Variants in CASR observed in about 807,000 individuals in gnomAD.
CASR encodes calcium sensing receptor.
A neutral mutation model predicts 69.1 loss-of-function variants in CASR; 23 were observed. The observed-to-expected ratio is 0.33, with a 90% CI of 0.24 to 0.47. The LOEUF is 0.47. Among genes scored for constraint, CASR ranks in the 20% least tolerant of loss-of-function variants. CASR has a pLI of 1.00. For missense variants in CASR, 924 were observed against 1,356.1 expected (o/e 0.68, Z 5.00); for synonymous variants, 541 against 544.7 (o/e 0.99, Z 0.10).
At chr3:122,264,716 T>G (rs1478353954) in intron 4 of CASR, among the ~76,000 whole-genome samples, 1 of 152,192 alleles carries the variant, frequency 6.6e-6, no homozygotes, top group African/African-American at 2.4e-5. Context: ...GAGTGCTTGG[T>G]GTGAGTCTCC....
At chr3:122,274,634 G>C (rs1327524655) in intron 4 of CASR, among the ~76,000 whole-genome samples, 1 of 152,174 alleles carries the variant, frequency 6.6e-6, no homozygotes, top group Non-Finnish European at 1.5e-5. Flanking sequence ...GGGCGCAGTG[G>C]CTCATGCCTG....
At chr3:122,242,230 G>T (rs769746264) in intron 1 of CASR, among the ~76,000 whole-genome samples, 1 of 152,032 alleles carries the variant, frequency 6.6e-6, no homozygotes, top group Non-Finnish European at 1.5e-5. Context: ...TAGAAAGAAA[G>T]AAGCCAAATT....
In CASR at chr3:122,291,504, G is replaced by C. The variant is rs1266832700; in HGVS notation, c.*6313G>C. 1 of 152,214 alleles carries C rather than the reference G, an allele frequency of 6.6e-6. No individual in the cohort carries two copies. Among genetic ancestry groups the C allele is most frequent in the Non-Finnish European group, 1.5e-5 (1 of 68,042 alleles). 9.4% of individuals were successfully genotyped at this position (152,214 alleles called of 1,614,324 possible). ...AGTGATGATGAGCATTATAAATGAA[G>C]ATTGCTTGGTAGTGGACTAATGGAT... On this transcript the variant is annotated 3_prime_UTR_variant, in exon 7 of 7. Transcript: ENST00000639785.
intron 1 of CASR, among the ~76,000 whole-genome samples, chr3:122,239,704 G>C (rs1386359337): frequency 6.6e-6 from 1 of 152,216 alleles, no homozygotes; most frequent in African/African-American, 2.4e-5. Context: ...TCCAGCTCCA[G>C]GAACCTCAGC....
intron 1 of CASR, among the ~76,000 whole-genome samples, chr3:122,252,409 A>AGAAGAAAGAAAG (rs1553765626): frequency 3.1e-4 from 2 of 6,474 alleles, no homozygotes; most frequent in East Asian, 1.9e-3. Context: ...GAAGGAAGGA[A>AGAAGAAAGAAAG]AAAGAAAGAA....
chr3:122,285,371 TAAA>T lies in CASR; in HGVS notation c.*186_*188del. On this transcript the variant is annotated 3_prime_UTR_variant, in exon 7 of 7. Transcript: ENST00000639785. The stretch of plus-strand genomic sequence containing the variant: ...AATTGACCCATGTTCCCTTTAAAAT[TAAA>T]AAAAAGAAGAGCCTTGTGTTTCTGT... 1 of 576,014 alleles carries T rather than the reference TAAA, an allele frequency of 1.7e-6. No homozygotes were observed. Among genetic ancestry groups the T allele is most frequent in the East Asian group, 3.0e-5 (1 of 32,996 alleles). The allele number at this position is 576,014 out of a possible 1,614,324, so 35.7% of individuals were successfully genotyped here. A position where few individuals can be genotyped will look rare whatever the true frequency, so the allele number is the denominator to read the frequency against.
At chr3:122,224,041 C>T (rs1368331825) in intron 1 of CASR, among the ~76,000 whole-genome samples, 1 of 152,126 alleles carries the variant, frequency 6.6e-6, no homozygotes, top group Non-Finnish European at 1.5e-5. Context: ...GAACATACTT[C>T]AAAATAGTAA....
chr3:122,231,208 A>G (rs2074274931), intron 1 of CASR, among the ~76,000 whole-genome samples: 1 of 152,176 alleles, frequency 6.6e-6, no homozygotes, highest in Non-Finnish European at 1.5e-5. Flanking sequence ...CCTCTGGCCC[A>G]CCTGTTGGGT....
intron 3 of CASR, among the ~76,000 whole-genome samples, chr3:122,257,826 G>A (rs938395727): frequency 6.6e-6 from 1 of 152,180 alleles, no homozygotes; most frequent in Non-Finnish European, 1.5e-5. Context: ...TTAGCTCAGA[G>A]GGAAGCAGAG....
chr3:122,227,088 A>G (rs2074230626), intron 1 of CASR, among the ~76,000 whole-genome samples: 1 of 152,240 alleles, frequency 6.6e-6, no homozygotes, highest in African/African-American at 2.4e-5. Context: ...GTGTACCTAC[A>G]ATCCCTTAGC....
At chr3:122,260,814 G>A (rs1205162856) in intron 3 of CASR, among the ~76,000 whole-genome samples, 1 of 152,192 alleles carries the variant, frequency 6.6e-6, no homozygotes, top group African/African-American at 2.4e-5. Flanking sequence ...CAGGGGGATT[G>A]AGCCTAGTGG....
intron 1 of CASR, among the ~76,000 whole-genome samples, chr3:122,192,239 T>C (rs532295376): frequency 2.6e-5 from 4 of 152,238 alleles, no homozygotes; most frequent in Non-Finnish European, 5.9e-5. Flanking sequence ...GGCTCTGTCA[T>C]GTAACTGTCA....
At chr3:122,189,225 C>G (rs75897062) in intron 1 of CASR, among the ~76,000 whole-genome samples, 1 of 152,174 alleles carries the variant, frequency 6.6e-6, no homozygotes, top group African/African-American at 2.4e-5. Flanking sequence ...ATTAACCTAG[C>G]TGAGCCTCAG....
At position 122,261,736 on chromosome 3, in the gene CASR, A is replaced by T. The variant is rs2074625529; in HGVS notation, c.701A>T (p.Asp234Val). ...EKFREEAEER[D>V]ICIDFSELIS... ...TTCCGAGAGGAAGCTGAGGAAAGGG[A>T]TATCTGCATCGACTTCAGTGAACTC... Residue 234 changes from aspartate to valine, a missense_variant, in exon 4 of 7, where the codon GAT becomes GTT. By Grantham distance (152) the Asp-to-Val change is radical. Coordinates refer to ENST00000639785, the MANE Select transcript of CASR (RefSeq NM_000388.4). The T allele has an allele frequency of 6.2e-7, 1 of 1,614,102 alleles. No individual in the cohort carries two copies. The highest frequency in any genetic ancestry group is 8.5e-7 in the Non-Finnish European group (1 of 1,180,038).
chr3:122,272,187 G>T (rs369125233), intron 4 of CASR, among the ~76,000 whole-genome samples: 1 of 151,770 alleles, frequency 6.6e-6, no homozygotes, highest in African/African-American at 2.4e-5. Flanking sequence ...ACTGCCAGAC[G>T]TTTTTTCCAA....
At chr3:122,196,609 C>G (rs2073893744) in intron 1 of CASR, among the ~76,000 whole-genome samples, 1 of 152,034 alleles carries the variant, frequency 6.6e-6, no homozygotes, top group Admixed American at 6.6e-5. Flanking sequence ...GAAATCACAG[C>G]TCACTGCAGC....
At chr3:122,198,540 A>G (rs11711698) in intron 1 of CASR, among the ~76,000 whole-genome samples, 43,641 of 151,950 alleles carry the variant, frequency 0.29, 7,023 homozygotes, top group Non-Finnish European at 0.36. Flanking sequence ...ATAATCACTG[A>G]AATAAGGTCT....
At chr3:122,248,533 A>G (rs1003605727) in intron 1 of CASR, among the ~76,000 whole-genome samples, 1 of 152,056 alleles carries the variant, frequency 6.6e-6, no homozygotes, top group African/African-American at 2.4e-5. Flanking sequence ...ATAGCAGTGT[A>G]CTCACGTTAT....
intron 1 of CASR, among the ~76,000 whole-genome samples, chr3:122,194,920 C>T (rs1023191071): frequency 1.3e-5 from 2 of 151,978 alleles, no homozygotes; most frequent in Non-Finnish European, 2.9e-5. Context: ...GGTCCGTACA[C>T]TTTAGTTATA....
Sources: allele counts gnomAD v4.1 joint callset (sites outside exome capture counted in the v4.1 genomes callset), GRCh38; gene constraint gnomAD v4.1.1; transcripts MANE v1.5; gene names NCBI Gene and HGNC (gene_info 2026-07-23, HGNC 2026-07-21).